The following ECM2 variants were observed in gnomAD, a reference collection of about 807,000 sequenced individuals.
ECM2 encodes the protein extracellular matrix protein 2, female organ and adipocyte specific.
In ECM2, 57 loss-of-function variants were observed where a neutral mutation model predicts 67.5. That is an observed-to-expected ratio of 0.84 (90% CI 0.68 to 1.05). The LOEUF (loss-of-function observed/expected upper bound fraction) is 1.05. Among genes scored for constraint, ECM2 ranks in the 50% least tolerant of loss-of-function variants. The probability of loss-of-function intolerance (pLI) is 0.00; values close to 1 mark genes in which losing one functional copy is unlikely to be tolerated. For synonymous variants in ECM2, 258 were observed against 294.5 expected, an observed-to-expected ratio of 0.88 and a Z score of 1.27; for missense variants, 741 against 822.8, an observed-to-expected ratio of 0.90 and a Z score of 1.22.
chr9:92,529,318 A>G (rs1485845315), intron 1 of ECM2, among the ~76,000 whole-genome samples: 1 of 152,216 alleles, frequency 6.6e-6, no homozygotes, highest in Non-Finnish European at 1.5e-5. Context: ...AGTGCTGGTG[A>G]GTGTGTGGAG....
At chr9:92,532,029 A>ATTTTTTTTTTTTTTTTT (rs201461115) in intron 1 of ECM2, among the ~76,000 whole-genome samples, 8 of 91,022 alleles carry the variant, frequency 8.8e-5, no homozygotes, top group Non-Finnish European at 1.1e-4. Flanking sequence ...TTTTTTTTTT[A>ATTTTTTTTTTTTTTTTT]TTTTATTTTT....
chr9:92,509,313 G>GC (rs1847196597), intron 6 of ECM2, among the ~76,000 whole-genome samples: 1 of 152,158 alleles, frequency 6.6e-6, no homozygotes. Flanking sequence ...ACCATGAAGA[G>GC]CATGTGCTTT....
intron 5 of ECM2, 131 bp from the exon 6 acceptor site, chr9:92,510,165 C>A: frequency 2.2e-6 from 2 of 920,898 alleles, no homozygotes; most frequent in Non-Finnish European, 3.1e-6. Context: ...GTCCAGGCCA[C>A]ACAGCAAACC....
At chr9:92,524,432 A>G (rs149144441) in intron 1 of ECM2, among the ~76,000 whole-genome samples, 1 of 152,316 alleles carries the variant, frequency 6.6e-6, no homozygotes, top group East Asian at 1.9e-4. Flanking sequence ...GCCAGGGACA[A>G]GAGAAACCTC....
intron 9 of ECM2, among the ~76,000 whole-genome samples, chr9:92,499,028 C>A (rs1190166871): frequency 1.3e-5 from 2 of 152,082 alleles, no homozygotes; most frequent in Admixed American, 6.5e-5. Context: ...AATACTATTC[C>A]CCAAAGAAAG....
At chr9:92,545,634 A>C in the ECM2 span, among the ~76,000 whole-genome samples, 1,730 of 152,276 alleles carry the variant, frequency 0.011, 26 homozygotes, top group African/African-American at 0.038. Flanking sequence ...GAGTGCGGGC[A>C]CAGGGCGCGG....
the ECM2 span, among the ~76,000 whole-genome samples, chr9:92,552,190 TACACACAC>T: frequency 9.4e-6 from 1 of 106,412 alleles, no homozygotes; most frequent in African/African-American, 4.0e-5. Context: ...ATCTATCATA[TACACACAC>T]ACACACACAC....
intron 2 of ECM2, among the ~76,000 whole-genome samples, chr9:92,519,145 G>C (rs1037614335): frequency 6.6e-6 from 1 of 152,016 alleles, no homozygotes; most frequent in Non-Finnish European, 1.5e-5. Context: ...CACTAACTCA[G>C]CCCAATTCAG....
the ECM2 span, among the ~76,000 whole-genome samples, chr9:92,545,696 C>T: frequency 6.6e-6 from 1 of 151,380 alleles, no homozygotes; most frequent in African/African-American, 2.5e-5. Flanking sequence ...CTGGGTGAAT[C>T]CAGCTGGGCT....
chr9:92,533,318 AAAAAAAAAAAATATATATATATATAT>A (rs1563991323), intron 1 of ECM2, among the ~76,000 whole-genome samples: 1 of 94,838 alleles, frequency 1.1e-5, no homozygotes, highest in Non-Finnish European at 2.0e-5. Context: ...AAAAAAAAAA[AAAAAAAAAAAATATATATATATATAT>A]ATATATATAT....
At chr9:92,516,078 C>CA (rs966329628) in intron 3 of ECM2, among the ~76,000 whole-genome samples, 2 of 150,022 alleles carry the variant, frequency 1.3e-5, no homozygotes, top group African/African-American at 4.9e-5. Context: ...TTTTTCCCCC[C>CA]CCCGAGACGG....
intron 7 of ECM2, among the ~76,000 whole-genome samples, chr9:92,504,396 G>A (rs568168067): frequency 7.9e-5 from 12 of 152,298 alleles, no homozygotes; most frequent in Admixed American, 5.2e-4. Context: ...GGCTGCAGCC[G>A]GAGAATGCTC....
chr9:92,545,562 C>A, the ECM2 span, among the ~76,000 whole-genome samples: 1 of 152,232 alleles, frequency 6.6e-6, no homozygotes, highest in Non-Finnish European at 1.5e-5. Flanking sequence ...GCCCGAGCCT[C>A]CCCGACGAGC....
chr9:92,512,447 A>C (rs780166190), intron 4 of ECM2, among the ~76,000 whole-genome samples: 7 of 152,224 alleles, frequency 4.6e-5, no homozygotes, highest in Admixed American at 3.3e-4. Context: ...CATTTACAAC[A>C]AAGGTGTGGA....
At position 92,517,775 on chromosome 9, in the gene ECM2, A is replaced by AACTCTTCC; in HGVS notation, c.385_392dup (p.Leu132GlufsTer41). Reference sequence around the variant, plus strand: ...GATGGCACATGGTTTCATCACAAAGAACTCTTCCATCTGAGCAGAGGCAGG... The same window carrying AACTCTTCC: ...GATGGCACATGGTTTCATCACAAAGAACTCTTCCACTCTTCCATCTGAGCAGAGGCAGG... On this transcript the variant is annotated frameshift_variant, in exon 3 of 10. Coordinates refer to ENST00000344604, the MANE Select transcript of ECM2 (RefSeq NM_001393.4). LOFTEE classifies it high-confidence loss of function. 1 of 1,614,208 alleles carries AACTCTTCC rather than the reference A, an allele frequency of 6.2e-7. No homozygotes were observed. The highest frequency in any genetic ancestry group is 8.5e-7 in the Non-Finnish European group (1 of 1,180,050).
intron 1 of ECM2, among the ~76,000 whole-genome samples, chr9:92,525,317 CAAA>C (rs59745811): frequency 1.7e-5 from 2 of 118,536 alleles, no homozygotes; most frequent in Non-Finnish European, 3.6e-5. Flanking sequence ...GACTCTGTCT[CAAA>C]AAAAAAAAAA....
the ECM2 span, among the ~76,000 whole-genome samples, chr9:92,557,935 G>T: frequency 3.3e-5 from 5 of 152,090 alleles, no homozygotes; most frequent in Non-Finnish European, 7.4e-5. Flanking sequence ...GAGCCACCGC[G>T]CCTGGCCTGC....
chr9:92,506,759 A>G (rs930639696), intron 6 of ECM2, among the ~76,000 whole-genome samples: 2 of 152,178 alleles, frequency 1.3e-5, no homozygotes, highest in Non-Finnish European at 2.9e-5. Flanking sequence ...CCAAGCTGAA[A>G]TAGCCAGCTG....
chr9:92,508,952 A>T (rs1473734359), intron 6 of ECM2, among the ~76,000 whole-genome samples: 1 of 152,090 alleles, frequency 6.6e-6, no homozygotes, highest in Non-Finnish European at 1.5e-5. Flanking sequence ...AGATAAAAAG[A>T]AAAGGTAGGC....
Sources: allele counts gnomAD v4.1 joint callset (sites outside exome capture counted in the v4.1 genomes callset), GRCh38; gene constraint gnomAD v4.1.1; transcripts MANE v1.5; gene names NCBI Gene and HGNC (gene_info 2026-07-23, HGNC 2026-07-21).